Variants in CA10 observed in about 807,000 individuals in gnomAD.
CA10 encodes carbonic anhydrase 10 (inactive).
CA10 carries 14 observed loss-of-function variants against 44.2 expected under a neutral mutation model. The observed-to-expected ratio is 0.32, with a 90% CI of 0.21 to 0.50. The LOEUF (loss-of-function observed/expected upper bound fraction) is 0.50, where lower values mean the gene tolerates loss of function less well. Ranked by LOEUF, CA10 falls within the 20% of genes least tolerant of loss-of-function variation. CA10 has a pLI of 0.99. For synonymous variants in CA10, 159 were observed against 141.6 expected (o/e 1.12, Z -0.87); for missense variants, 350 against 409.7 (o/e 0.85, Z 1.26).
intron 1 of CA10, among the ~76,000 whole-genome samples, 200 bp downstream of exon 1, chr17:52,157,526 A>ACCCCCCCCCCC (rs1480637933): frequency 8.9e-6 from 1 of 111,808 alleles, no homozygotes; most frequent in African/African-American, 3.9e-5. Context: ...ACAGATCCTA[A>ACCCCCCCCCCC]CCACCCCCCC....
At chr17:52,135,732 G>A (rs976136553) in intron 1 of CA10, among the ~76,000 whole-genome samples, 2 of 152,128 alleles carry the variant, frequency 1.3e-5, no homozygotes, top group East Asian at 1.9e-4. Context: ...TCATTCTTCA[G>A]TTGATACTTG....
chr17:51,685,610 A>G lies in CA10; in HGVS notation c.466-31874T>C, dbSNP rs1217030239. Among the ~76,000 whole-genome samples the G allele has an allele frequency of 2.0e-5, 3 of 152,210 alleles. No homozygotes were observed. In the East Asian group the frequency reaches 5.8e-4, roughly 29 times the overall value. On this transcript the variant is annotated intron_variant, in intron 4 of 8. Coordinates refer to ENST00000451037, the MANE Select transcript of CA10 (RefSeq NM_020178.5). ...GAAGGACTTGGGATAATGAATGATA[A>G]AATGCAGTTTAATGTGGACAAATGT...
intron 3 of CA10, among the ~76,000 whole-genome samples, chr17:51,825,658 C>T (rs7211824): frequency 0.058 from 8,866 of 152,264 alleles, 719 homozygotes; most frequent in African/African-American, 0.18. Context: ...CACTTTTGCA[C>T]GTTTCTGTTT....
intron 2 of CA10, among the ~76,000 whole-genome samples, chr17:51,989,105 C>T (rs1440290709): frequency 6.6e-6 from 1 of 151,526 alleles, no homozygotes; most frequent in African/African-American, 2.4e-5. Context: ...AAAATAAATG[C>T]AGAATCTTAA....
chr17:51,717,480 G>A (rs1480468236), intron 4 of CA10, among the ~76,000 whole-genome samples: 13 of 145,524 alleles, frequency 8.9e-5, no homozygotes, highest in East Asian at 4.1e-4. Context: ...TCGCAAAATC[G>A]TGGAACCAAC....
At chr17:51,654,890 A>T (rs1157450761) in intron 4 of CA10, among the ~76,000 whole-genome samples, 1 of 151,642 alleles carries the variant, frequency 6.6e-6, no homozygotes, top group African/African-American at 2.4e-5. Context: ...AAAATATAGA[A>T]GTAAAAAACG....
At chr17:51,736,714 G>A (rs1249702565) in intron 4 of CA10, among the ~76,000 whole-genome samples, 1 of 152,182 alleles carries the variant, frequency 6.6e-6, no homozygotes, top group African/African-American at 2.4e-5. Context: ...AAACAGATGT[G>A]TTTATACACA....
At chr17:51,638,527 C>T (rs887547306) in intron 6 of CA10, among the ~76,000 whole-genome samples, 8 of 152,108 alleles carry the variant, frequency 5.3e-5, no homozygotes, top group African/African-American at 1.9e-4. Context: ...GCCACAGTGC[C>T]CAGGGCACAC....
intron 3 of CA10, among the ~76,000 whole-genome samples, chr17:51,851,900 A>T (rs1384052118): frequency 6.6e-6 from 1 of 152,202 alleles, no homozygotes; most frequent in Non-Finnish European, 1.5e-5. Flanking sequence ...ATTTTGCTAA[A>T]CTTTCCTTCC....
chr17:51,867,939 T>C (rs1169492209), intron 3 of CA10, among the ~76,000 whole-genome samples: 1 of 152,180 alleles, frequency 6.6e-6, no homozygotes, highest in Admixed American at 6.5e-5. Context: ...CTGCATAAAA[T>C]GTAAATCTAA....
chr17:51,833,341 G>T (rs564573793), intron 3 of CA10, among the ~76,000 whole-genome samples: 111 of 152,278 alleles, frequency 7.3e-4, no homozygotes, highest in Non-Finnish European at 1.4e-3. Flanking sequence ...ACATGACACA[G>T]ATTAAGAGCT....
chr17:52,049,023 A>C (rs1044441327), intron 2 of CA10, among the ~76,000 whole-genome samples: 14 of 152,272 alleles, frequency 9.2e-5, no homozygotes, highest in African/African-American at 3.4e-4. Context: ...ATGGTAGCAG[A>C]AGGCATAAAA....
chr17:51,835,158 T>C (rs1046890564), intron 3 of CA10, among the ~76,000 whole-genome samples: 14 of 152,210 alleles, frequency 9.2e-5, no homozygotes, highest in African/African-American at 3.4e-4. Flanking sequence ...GAGGTATTTA[T>C]TCCTAGACTG....
At chr17:51,662,057 G>C (rs1914028735) in intron 4 of CA10, among the ~76,000 whole-genome samples, 1 of 152,140 alleles carries the variant, frequency 6.6e-6, no homozygotes, top group Non-Finnish European at 1.5e-5. Flanking sequence ...GTTTAAATTT[G>C]GGAGATGAAT....
chr17:52,091,507 C>T (rs1276841346), intron 1 of CA10, among the ~76,000 whole-genome samples: 1 of 152,136 alleles, frequency 6.6e-6, no homozygotes, highest in Non-Finnish European at 1.5e-5. Context: ...CTCACTCCCG[C>T]ACATTGGCCA....
intron 5 of CA10, among the ~76,000 whole-genome samples, chr17:51,649,471 A>G (rs1461123539): frequency 2.0e-5 from 3 of 152,178 alleles, no homozygotes; most frequent in African/African-American, 4.8e-5. Context: ...GTTCTCATAT[A>G]GTGTGAAGAG....
chr17:51,874,535 G>A (rs1979964612), intron 3 of CA10, among the ~76,000 whole-genome samples: 1 of 152,046 alleles, frequency 6.6e-6, no homozygotes, highest in Non-Finnish European at 1.5e-5. Context: ...GATTAGAATA[G>A]CCTCTGACCA....
intron 3 of CA10, among the ~76,000 whole-genome samples, chr17:51,859,809 T>C (rs998435059): frequency 6.6e-6 from 1 of 152,192 alleles, no homozygotes; most frequent in Admixed American, 6.5e-5. Context: ...TAACTTTTGG[T>C]AAACAGGATC....
chr17:51,679,402 A>G (rs772153362), intron 4 of CA10, among the ~76,000 whole-genome samples: 26 of 150,248 alleles, frequency 1.7e-4, no homozygotes, highest in Non-Finnish European at 3.3e-4. Context: ...TGGGACTACA[A>G]GTGCCCACCA....
Sources: gnomAD v4.1 joint callset for allele counts (sites outside exome capture counted in the v4.1 genomes callset) on GRCh38, gnomAD v4.1.1 for gene constraint, MANE v1.5 for transcripts, NCBI Gene and HGNC (gene_info 2026-07-23, HGNC 2026-07-21) for gene names.